Variants in CAMKMT observed in about 807,000 individuals in gnomAD.
The protein encoded by CAMKMT is CaM KMT.
A neutral mutation model predicts 48.0 loss-of-function variants in CAMKMT; 53 were observed. That is an observed-to-expected ratio of 1.10 (90% CI 0.89 to 1.39). The LOEUF is 1.39. Ranked by LOEUF, CAMKMT falls within the 40% of genes most tolerant of loss-of-function variation. The pLI, the probability that CAMKMT is intolerant of heterozygous loss-of-function variation, is 0.00. For synonymous variants in CAMKMT, 165 were observed against 152.3 expected (o/e 1.08, Z -0.61); for missense variants, 428 against 402.7 (o/e 1.06, Z -0.54).
intron 8 of CAMKMT, among the ~76,000 whole-genome samples, chr2:44,751,496 T>C (rs551359119): frequency 3.9e-5 from 6 of 152,318 alleles, no homozygotes; most frequent in Non-Finnish European, 8.8e-5. Context: ...ATAGGATTGA[T>C]GTGAGGATTA....
chr2:44,416,408 G>T (rs1314966669), intron 3 of CAMKMT, among the ~76,000 whole-genome samples: 2 of 151,958 alleles, frequency 1.3e-5, no homozygotes, highest in African/African-American at 4.8e-5. Flanking sequence ...TATCACCCCA[G>T]AATGTTTTCT....
chr2:44,366,609 A>T (rs968230919), intron 1 of CAMKMT, among the ~76,000 whole-genome samples: 1 of 152,192 alleles, frequency 6.6e-6, no homozygotes, highest in African/African-American at 2.4e-5. Flanking sequence ...ACTTAATGGG[A>T]GTGATAACAC....
chr2:44,410,050 T>A (rs1435447659), intron 3 of CAMKMT, among the ~76,000 whole-genome samples: 1 of 151,666 alleles, frequency 6.6e-6, no homozygotes, highest in African/African-American at 2.4e-5. Context: ...TGTGTATAGT[T>A]TTTAGTATGT....
chr2:44,525,180 T>A (rs1671340061), intron 3 of CAMKMT, among the ~76,000 whole-genome samples: 1 of 152,210 alleles, frequency 6.6e-6, no homozygotes, highest in African/African-American at 2.4e-5. Flanking sequence ...GATTATTATT[T>A]TAGAACTGTT....
intron 3 of CAMKMT, among the ~76,000 whole-genome samples, chr2:44,532,034 G>C (rs1246912328): frequency 6.6e-6 from 1 of 152,122 alleles, no homozygotes; most frequent in East Asian, 1.9e-4. Flanking sequence ...ATTCCTTGTA[G>C]TGCTCTCCTA....
At chr2:44,754,869 T>C (rs369449725) in intron 9 of CAMKMT, among the ~76,000 whole-genome samples, 14 of 152,060 alleles carry the variant, frequency 9.2e-5, no homozygotes, top group African/African-American at 3.4e-4. Flanking sequence ...AAAAACCTTA[T>C]AACTATGTAA....
At chr2:44,661,206 T>A (rs1335946662) in intron 3 of CAMKMT, among the ~76,000 whole-genome samples, 3 of 152,060 alleles carry the variant, frequency 2.0e-5, no homozygotes, top group Non-Finnish European at 4.4e-5. Context: ...ATTTACAGAG[T>A]GGCATTAGGT....
At chr2:44,715,690 A>T (rs1254753645) in intron 7 of CAMKMT, among the ~76,000 whole-genome samples, 6 of 152,132 alleles carry the variant, frequency 3.9e-5, no homozygotes, top group African/African-American at 1.4e-4. Context: ...TCAGCCTAGG[A>T]GCAGTTTTGC....
intron 3 of CAMKMT, among the ~76,000 whole-genome samples, chr2:44,632,204 T>C (rs1341767697): frequency 6.6e-6 from 1 of 152,146 alleles, no homozygotes; most frequent in Non-Finnish European, 1.5e-5. Context: ...CCATTTTCCT[T>C]TCACTTGAAG....
At chr2:44,755,196 A>G (rs112345043) in intron 9 of CAMKMT, among the ~76,000 whole-genome samples, 18 of 152,292 alleles carry the variant, frequency 1.2e-4, no homozygotes, top group African/African-American at 4.3e-4. Flanking sequence ...AGGAGTAGCC[A>G]TAGCTTCGTA....
chr2:44,538,373 C>CAAAAAA (rs202189281), intron 3 of CAMKMT, among the ~76,000 whole-genome samples: 1 of 129,760 alleles, frequency 7.7e-6, no homozygotes, highest in African/African-American at 3.2e-5. Context: ...ATCTCAAAAA[C>CAAAAAA]AAAAAAAAAA....
chr2:44,598,520 A>T (rs190242322), intron 3 of CAMKMT, among the ~76,000 whole-genome samples: 7 of 151,724 alleles, frequency 4.6e-5, no homozygotes, highest in East Asian at 1.9e-4. Context: ...GTCCTCTTCA[A>T]TGAGTCACTA....
chr2:44,534,421 C>T (rs1390539890), intron 3 of CAMKMT, among the ~76,000 whole-genome samples: 2 of 152,158 alleles, frequency 1.3e-5, no homozygotes, highest in Non-Finnish European at 2.9e-5. Context: ...TACCCAACAG[C>T]TCCAGAGTGC....
chr2:44,699,039 G>A (rs10170957), intron 3 of CAMKMT, among the ~76,000 whole-genome samples: 59 of 152,280 alleles, frequency 3.9e-4, no homozygotes, highest in African/African-American at 1.2e-3. Context: ...ATTCAGTCAC[G>A]TCTTCAGGCT....
chr2:44,751,133 A>G (rs1434060732), intron 8 of CAMKMT, among the ~76,000 whole-genome samples: 1 of 152,174 alleles, frequency 6.6e-6, no homozygotes, highest in Middle Eastern at 3.2e-3. Context: ...CAAATTCTCT[A>G]CTTCTTGTAC....
At chr2:44,413,171 A>C (rs1683326540) in intron 3 of CAMKMT, among the ~76,000 whole-genome samples, 1 of 152,178 alleles carries the variant, frequency 6.6e-6, no homozygotes, top group African/African-American at 2.4e-5. Context: ...GGCTGATTAC[A>C]AGTGCTGAAT....
chr2:44,435,029 G>T (rs900438191), intron 3 of CAMKMT, among the ~76,000 whole-genome samples: 28 of 152,034 alleles, frequency 1.8e-4, no homozygotes, highest in African/African-American at 6.8e-4. Context: ...GCATCGTTAG[G>T]TTCTTTTGAA....
At chr2:44,544,975 C>G (rs1253151960) in intron 3 of CAMKMT, among the ~76,000 whole-genome samples, 2 of 152,084 alleles carry the variant, frequency 1.3e-5, no homozygotes, top group African/African-American at 2.4e-5. Context: ...CTGAAATTTA[C>G]TTTTTAGATA....
chr2:44,402,059 G>C (rs199830691), intron 3 of CAMKMT, among the ~76,000 whole-genome samples: 1 of 152,090 alleles, frequency 6.6e-6, no homozygotes, highest in East Asian at 1.9e-4. Context: ...GGGCGCGGTG[G>C]CTCACGCCTA....
Sources: allele counts gnomAD v4.1 joint callset (sites outside exome capture counted in the v4.1 genomes callset), GRCh38; gene constraint gnomAD v4.1.1; transcripts MANE v1.5; gene names NCBI Gene and HGNC (gene_info 2026-07-23, HGNC 2026-07-21).